CNGB1: variants seen among roughly 807,000 people sequenced by gnomAD.
The protein encoded by CNGB1 is cyclic nucleotide-gated channel beta-1.
A neutral mutation model predicts 151.7 loss-of-function variants in CNGB1; 126 were observed. That is an observed-to-expected ratio of 0.83 (90% CI 0.72 to 0.96). CNGB1 has a LOEUF of 0.96. Among genes scored for constraint, CNGB1 ranks in the 40% least tolerant of loss-of-function variants. CNGB1 has a pLI of 0.00. For missense variants in CNGB1, 1,698 were observed against 1,627.0 expected (o/e 1.04, Z -0.75); for synonymous variants, 623 against 635.1 (o/e 0.98, Z 0.29).
At chr16:57,910,673 CTTTTT>C (rs56363726) in intron 25 of CNGB1, among the ~76,000 whole-genome samples, 89 of 104,298 alleles carry the variant, frequency 8.5e-4, no homozygotes, top group Middle Eastern at 5.1e-3. Context: ...CAAGCCCGGC[CTTTTT>C]TTTTTTTTTT....
chr16:57,909,703 A>T (rs1960655294), intron 25 of CNGB1, among the ~76,000 whole-genome samples: 2 of 152,136 alleles, frequency 1.3e-5, no homozygotes, highest in South Asian at 2.1e-4. Context: ...AAGTTTTTTT[A>T]AATGTTAGTA....
chr16:57,902,102 G>A (rs549051063), intron 27 of CNGB1, among the ~76,000 whole-genome samples: 8 of 151,944 alleles, frequency 5.3e-5, no homozygotes, highest in African/African-American at 7.2e-5. Context: ...AGACAGTCTC[G>A]CTCTGTCACC....
At chr16:57,911,086 G>C (rs1960696633) in intron 25 of CNGB1, among the ~76,000 whole-genome samples, 1 of 152,148 alleles carries the variant, frequency 6.6e-6, no homozygotes, top group Non-Finnish European at 1.5e-5. Flanking sequence ...AGCTGTGCTG[G>C]GGAGTATTCT....
In CNGB1 at chr16:57,950,562, C is replaced by A. The variant is rs761179587; in HGVS notation, c.875-22G>T. The A allele has an allele frequency of 1.9e-6, 3 of 1,613,738 alleles. No homozygotes were observed. In the South Asian group the frequency reaches 3.3e-5, roughly 18 times the overall value. On this transcript the variant is annotated intron_variant, in intron 12 of 32. Coordinates refer to ENST00000251102, the MANE Select transcript of CNGB1 (RefSeq NM_001297.5). ...CTGACTGCAGGGAACACAGGAAGAG[C>A]CATTTATGGGATGTGCGGGAGAGTG...
chr16:57,962,887 C>G lies in CNGB1; in HGVS notation c.382-15G>C, dbSNP rs747578508. 1 of 1,612,518 alleles carries G rather than the reference C, an allele frequency of 6.2e-7. No homozygotes were observed. The highest frequency in any genetic ancestry group is 8.5e-7 in the Non-Finnish European group (1 of 1,180,038). ...TGCCCCAGGATCTGCCAGGGACAGA[C>G]AGACAGACATGGGCAGGGAGCCCAA... On this transcript the variant is annotated splice_polypyrimidine_tract_variant and intron_variant, in intron 5 of 32. Coordinates refer to ENST00000251102, the MANE Select transcript of CNGB1 (RefSeq NM_001297.5).
chr16:57,936,810 C>A (rs375971708), intron 16 of CNGB1, among the ~76,000 whole-genome samples: 26 of 139,508 alleles, frequency 1.9e-4, no homozygotes, highest in African/African-American at 6.1e-4. Flanking sequence ...AAAAAAAAAA[C>A]AAAAGAAAAG....
rs544112138 is a variant in CNGB1, at chr16:57,884,724, A to G, written c.3463-267T>C. On this transcript the variant is annotated intron_variant, in intron 32 of 32. Coordinates refer to ENST00000251102, the MANE Select transcript of CNGB1 (RefSeq NM_001297.5). The stretch of plus-strand genomic sequence containing the variant: ...CTTAGATCTAGGCTGTGGGGCTGGA[A>G]GCTGGGATGAGGCTGTTGTTTCAAG... Among the ~76,000 whole-genome samples the G allele has an allele frequency of 5.3e-5, 8 of 152,164 alleles. No individual in the cohort carries two copies. In the South Asian group the frequency reaches 1.5e-3, roughly 28 times the overall value.
In CNGB1 at chr16:57,884,137, TGC is replaced by T. The variant is rs778876989; in HGVS notation, c.*25_*26del. The T allele has an allele frequency of 1.3e-4, 216 of 1,613,888 alleles. No individual in the cohort carries two copies. In the African/African-American group the frequency reaches 2.6e-3, roughly 19 times the overall value. ...GCGCTGGGGACACACCTGCTGGAAC[TGC>T]GCGCGGGATCCGCCTCACCCCACCT... On this transcript the variant is annotated 3_prime_UTR_variant, in exon 33 of 33. Transcript: ENST00000251102.
At chr16:57,887,356 C>T (rs1343268266) in intron 32 of CNGB1, among the ~76,000 whole-genome samples, 1 of 152,082 alleles carries the variant, frequency 6.6e-6, no homozygotes, top group Non-Finnish European at 1.5e-5. Flanking sequence ...GGTATGTGAC[C>T]CAGGCCTCTT....
At chr16:57,955,735 G>A (rs751785769) in intron 12 of CNGB1, among the ~76,000 whole-genome samples, 6 of 152,248 alleles carry the variant, frequency 3.9e-5, no homozygotes, top group Middle Eastern at 3.4e-3. Context: ...AGAGGTAAAG[G>A]CTGTGTAGAG....
At chr16:57,904,112 G>T in intron 26 of CNGB1, 131 bp from the exon 27 acceptor site, 1 of 736,472 alleles carries the variant, frequency 1.4e-6, no homozygotes. Context: ...TGGGAGGGGG[G>T]TAGGCAGATG....
rs780848859 is a variant in CNGB1, at chr16:57,964,211, G to A, written c.218-9C>T. ...GGCAGCCTCCTTGGTCTCTGGAAAA[G>A]AATCTCTCATCCTTCAGATCTAGGG... On this transcript the variant is annotated splice_polypyrimidine_tract_variant and intron_variant, in intron 3 of 32. Transcript: ENST00000251102. 2 of 1,613,868 alleles carry A rather than the reference G, an allele frequency of 1.2e-6. No individual in the cohort carries two copies. Among genetic ancestry groups the A allele is most frequent in the Non-Finnish European group, 1.7e-6 (2 of 1,179,774 alleles).
Position 57,958,482 on chromosome 16 carries a change from C to T in CNGB1, c.765G>A (p.Leu255=). The T allele has an allele frequency of 6.2e-7, 1 of 1,613,998 alleles. No individual in the cohort carries two copies. The part of the protein sequence containing the change: ...SLPPTRDPAR[L]VAWVLHRLEM... ...CCAGCCTGTGCAGGACCCATGCCAC[C>T]AGCCTGCAGGTGGGAGAGAGTGTGC... The change falls in exon 11 of 33, where the codon CTG becomes CTA. Residue 255 remains leucine (L), a synonymous_variant. Coordinates refer to ENST00000251102, the MANE Select transcript of CNGB1 (RefSeq NM_001297.5).
chr16:57,892,701 A>T (rs1960125718), intron 31 of CNGB1, among the ~76,000 whole-genome samples: 1 of 152,072 alleles, frequency 6.6e-6, no homozygotes, highest in South Asian at 2.1e-4. Context: ...AAGCTATGCT[A>T]ATTTTCTTGC....
At chr16:57,968,113 C>T (rs941423556) in intron 1 of CNGB1, among the ~76,000 whole-genome samples, 28 of 152,324 alleles carry the variant, frequency 1.8e-4, no homozygotes, top group African/African-American at 6.7e-4. Context: ...CAGTTAATGT[C>T]TCTGTGCCTC....
chr16:57,898,617 C>T (rs971020490), intron 29 of CNGB1, among the ~76,000 whole-genome samples: 3 of 152,160 alleles, frequency 2.0e-5, no homozygotes, highest in African/African-American at 2.4e-5. Context: ...GGTTTTGCCA[C>T]GTTGGCCAGG....
In CNGB1 at chr16:57,962,496, T is replaced by C. The variant is rs1204689872; in HGVS notation, c.458+69A>G. 10 of 1,451,020 alleles carry C rather than the reference T, an allele frequency of 6.9e-6. No homozygotes were observed. In the African/African-American group the frequency reaches 1.1e-4, roughly 16 times the overall value. The allele number at this position is 1,451,020 out of a possible 1,614,324, so 89.9% of individuals were successfully genotyped here. The stretch of plus-strand genomic sequence containing the variant: ...CTGAGGTGGTAACAGACCCTGCTCC[T>C]GAAACCAAGGACCTGTTCCTCCCAC... On this transcript the variant is annotated intron_variant, in intron 7 of 32. Transcript: ENST00000251102.
chr16:57,912,889 CAT>C (rs754043109), intron 24 of CNGB1, 39 bp downstream of exon 24: 104 of 1,594,118 alleles, frequency 6.5e-5, no homozygotes, highest in African/African-American at 1.9e-4. Flanking sequence ...TTGTGAGTGT[CAT>C]GTGTGTGTGC....
chr16:57,903,449 T>C (rs1378741398), intron 27 of CNGB1, among the ~76,000 whole-genome samples: 1 of 151,772 alleles, frequency 6.6e-6, no homozygotes, highest in African/African-American at 2.4e-5. Flanking sequence ...CCAAGATTGC[T>C]CCACTGCACT....
Sources: allele counts gnomAD v4.1 joint callset (sites outside exome capture counted in the v4.1 genomes callset), GRCh38; gene constraint gnomAD v4.1.1; transcripts MANE v1.5; gene names NCBI Gene and HGNC (gene_info 2026-07-23, HGNC 2026-07-21).